SYNPR: variants seen among roughly 807,000 people sequenced by gnomAD.
SYNPR encodes the protein synaptoporin.
In SYNPR, 23 loss-of-function variants were observed where a neutral mutation model predicts 32.9. The observed-to-expected ratio is 0.70, with a 90% CI of 0.50 to 0.99. SYNPR has a LOEUF of 0.99. SYNPR is among the 50% of genes least tolerant of loss of function. SYNPR has a pLI of 0.00. For synonymous variants in SYNPR, 146 were observed against 135.9 expected (o/e 1.07, Z -0.52); for missense variants, 318 against 349.3 (o/e 0.91, Z 0.71).
intron 3 of SYNPR, among the ~76,000 whole-genome samples, chr3:63,549,616 T>TG (rs1463171043): frequency 6.6e-6 from 1 of 152,162 alleles, no homozygotes; most frequent in Non-Finnish European, 1.5e-5. Context: ...ATGCCTAGGT[T>TG]GAAAAATGTT....
chr3:63,293,524 G>C (rs2086762585), intron 2 of SYNPR, among the ~76,000 whole-genome samples: 1 of 152,100 alleles, frequency 6.6e-6, no homozygotes, highest in Non-Finnish European at 1.5e-5. Flanking sequence ...TAGTTTGCTA[G>C]GGCAAACCAC....
the SYNPR span, among the ~76,000 whole-genome samples, chr3:63,218,369 G>A: frequency 6.6e-6 from 1 of 152,290 alleles, no homozygotes; most frequent in African/African-American, 2.4e-5. Flanking sequence ...AGTAGTTAAG[G>A]TATGGGAGGA....
intron 4 of SYNPR, among the ~76,000 whole-genome samples, chr3:63,566,091 A>G (rs535406104): frequency 6.6e-6 from 1 of 152,308 alleles, no homozygotes; most frequent in East Asian, 1.9e-4. Context: ...TACTCATCAA[A>G]GAACTCTTGC....
intron 3 of SYNPR, among the ~76,000 whole-genome samples, chr3:63,538,710 G>C (rs1356431985): frequency 6.6e-6 from 1 of 151,984 alleles, no homozygotes; most frequent in Admixed American, 6.6e-5. Context: ...TTCATCCTGA[G>C]TCCTAGAATG....
chr3:63,261,875 C>T (rs544286005), intron 2 of SYNPR, among the ~76,000 whole-genome samples: 4 of 150,834 alleles, frequency 2.7e-5, no homozygotes, highest in East Asian at 2.0e-4. Context: ...CGGGGACTGT[C>T]GTGGGGTGGG....
intron 2 of SYNPR, among the ~76,000 whole-genome samples, chr3:63,402,916 A>G (rs2088311702): frequency 1.3e-5 from 2 of 152,196 alleles, no homozygotes; most frequent in Admixed American, 1.3e-4. Flanking sequence ...AACTTTTCTG[A>G]AACATGAAGA....
intron 2 of SYNPR, among the ~76,000 whole-genome samples, chr3:63,372,948 C>T (rs1373981117): frequency 3.3e-5 from 5 of 152,202 alleles, no homozygotes; most frequent in Admixed American, 6.5e-5. Context: ...TACTGGATCA[C>T]AGCCCAAACT....
the SYNPR span, chr3:63,203,531 C>T: frequency 2.0e-5 from 3 of 152,156 alleles, no homozygotes; most frequent in Admixed American, 6.6e-5. Context: ...GCAGTCAACG[C>T]TGGGAACCGG....
At chr3:63,205,178 T>C in the SYNPR span, among the ~76,000 whole-genome samples, 3 of 152,234 alleles carry the variant, frequency 2.0e-5, no homozygotes, top group Non-Finnish European at 2.9e-5. Context: ...TTTATCTTTC[T>C]CACCTTCCTT....
chr3:63,554,470 C>G (rs34808638), intron 3 of SYNPR, among the ~76,000 whole-genome samples: 12,203 of 152,204 alleles, frequency 0.08, 669 homozygotes, highest in Non-Finnish European at 0.12. Context: ...GTAGGGAGTT[C>G]TTTTTCTATT....
At chr3:63,300,688 C>A (rs1222855445) in intron 2 of SYNPR, among the ~76,000 whole-genome samples, 1 of 152,058 alleles carries the variant, frequency 6.6e-6, no homozygotes, top group Non-Finnish European at 1.5e-5. Flanking sequence ...ATACAAAAGC[C>A]TAGCTTCCTT....
intron 3 of SYNPR, among the ~76,000 whole-genome samples, chr3:63,270,719 G>C (rs1247770098): frequency 6.6e-6 from 1 of 152,282 alleles, no homozygotes; most frequent in Non-Finnish European, 1.5e-5. Flanking sequence ...ATAAGATGTG[G>C]ATAATAATAA....
At chr3:63,296,999 G>A (rs2086796492) in intron 2 of SYNPR, among the ~76,000 whole-genome samples, 1 of 152,142 alleles carries the variant, frequency 6.6e-6, no homozygotes, top group South Asian at 2.1e-4. Context: ...GCTAGGGAAT[G>A]AGTTTTTAAT....
chr3:63,535,981 A>G (rs550521977), intron 3 of SYNPR, among the ~76,000 whole-genome samples: 4 of 152,090 alleles, frequency 2.6e-5, no homozygotes, highest in Admixed American at 1.3e-4. Flanking sequence ...AAAGGACTCT[A>G]TCAGCCAGGT....
intron 3 of SYNPR, among the ~76,000 whole-genome samples, chr3:63,272,373 C>A (rs1266602885): frequency 6.6e-6 from 1 of 152,124 alleles, no homozygotes; most frequent in Admixed American, 6.5e-5. Flanking sequence ...GACTCTAGGA[C>A]TTGTGTCAAC....
At chr3:63,517,147 C>G (rs142527175) in intron 3 of SYNPR, among the ~76,000 whole-genome samples, 1 of 151,982 alleles carries the variant, frequency 6.6e-6, no homozygotes, top group Non-Finnish European at 1.5e-5. Context: ...AAACAGTGGA[C>G]GGAAGCACTT....
At chr3:63,260,581 T>TAA (rs745824371) in intron 2 of SYNPR, among the ~76,000 whole-genome samples, 3 of 152,208 alleles carry the variant, frequency 2.0e-5, no homozygotes, top group Non-Finnish European at 4.4e-5. Flanking sequence ...CAAGATGGAT[T>TAA]AAAGACTTAA....
chr3:63,436,584 T>C (rs1700088818), intron 2 of SYNPR, among the ~76,000 whole-genome samples: 1 of 152,050 alleles, frequency 6.6e-6, no homozygotes. Context: ...GCTTGAAATA[T>C]TTAGGACAGA....
In SYNPR at chr3:63,501,338, G is replaced by C. The variant is rs1701474379; in HGVS notation, c.209+20382G>C. 2.6e-5 allele frequency among the ~76,000 whole-genome samples: 4 copies of C among 151,980 alleles called. No homozygotes were observed. The South Asian group carries it at 6.2e-4, about 24-fold the overall frequency. On this transcript the variant is annotated intron_variant, in intron 3 of 5. Transcript: ENST00000478300. ...TACAAAAAATACAAGAATTATCTGA[G>C]AATGGTGGCATGCCCCTGTAGTCCC...
Sources: allele counts gnomAD v4.1 joint callset (sites outside exome capture counted in the v4.1 genomes callset), GRCh38; gene constraint gnomAD v4.1.1; transcripts MANE v1.5; gene names NCBI Gene and HGNC (gene_info 2026-07-23, HGNC 2026-07-21).